Variants in IBA57 observed in about 807,000 individuals in gnomAD.
IBA57 encodes iron-sulfur cluster assembly factor IBA57, mitochondrial.
IBA57 carries 20 observed loss-of-function variants against 20.4 expected under a neutral mutation model. The ratio of observed to expected loss-of-function variants is 0.98; its 90% CI spans 0.69 to 1.42. The LOEUF is 1.42. Among genes scored for constraint, IBA57 ranks in the 40% most tolerant of loss-of-function variants. The probability of loss-of-function intolerance (pLI) is 0.00; values close to 1 mark genes in which losing one functional copy is unlikely to be tolerated. For missense variants in IBA57, 608 were observed against 499.3 expected, an observed-to-expected ratio of 1.22 and a Z score of -2.07; for synonymous variants, 310 against 233.9, an observed-to-expected ratio of 1.33 and a Z score of -2.97.
Position 228,175,372 on chromosome 1 carries a change from C to G in IBA57, c.930C>G (p.Phe310Leu), listed in dbSNP as rs142734560. 225 of 1,612,940 alleles carry G rather than the reference C, an allele frequency of 1.4e-4. 1 individual carries two copies. In the East Asian group the frequency reaches 4.7e-3, roughly 34 times the overall value. The change falls in exon 3 of 3, where the codon TTC becomes TTG. Residue 310 changes from phenylalanine to leucine, a missense_variant. Phe to Leu is a conservative substitution (Grantham distance 22, BLOSUM62 0). Transcript: ENST00000366711. ...LTASGQTVGK[F>L]RAGQGNVGLA... Reference sequence around the variant, plus strand: ...CCTCAGGACAGACTGTGGGCAAGTTCAGGGCTGGCCAGGGCAACGTGGGGC... The same window carrying G: ...CCTCAGGACAGACTGTGGGCAAGTTGAGGGCTGGCCAGGGCAACGTGGGGC...
chr1:228,168,114 C>G (rs1486115966), intron 1 of IBA57, among the ~76,000 whole-genome samples: 2 of 152,178 alleles, frequency 1.3e-5, no homozygotes, highest in African/African-American at 4.8e-5. Flanking sequence ...CTCTGCCACC[C>G]TGAGACGGCA....
intron 1 of IBA57, among the ~76,000 whole-genome samples, chr1:228,174,208 G>A (rs1266792934): frequency 2.3e-3 from 34 of 14,848 alleles, no homozygotes; most frequent in East Asian, 0.012. Flanking sequence ...GGCGTGGCTC[G>A]CTGTGGGCGT....
rs367545710 is a variant in IBA57, at chr1:228,175,421, A to T, written c.979A>T (p.Ile327Phe). ...GCTGGCCCTGCTGTGGTCAGAGAAG[A>T]TCAAGGGTCCTCTGCACATCAGAGC... is the stretch of plus-strand genomic sequence containing the variant. ...VGLALLWSEK[I>F]KGPLHIRASE... The change falls in exon 3 of 3, where the codon ATC becomes TTC. Residue 327 changes from isoleucine (I) to phenylalanine (F), a missense_variant. Coordinates refer to ENST00000366711, the MANE Select transcript of IBA57 (RefSeq NM_001010867.4). 85 of 1,612,726 alleles carry T rather than the reference A, an allele frequency of 5.3e-5. No homozygotes were observed. The African/African-American group carries it at 1.0e-3, about 20-fold the overall frequency.
At chr1:228,169,393 A>G (rs2124973590) in intron 1 of IBA57, among the ~76,000 whole-genome samples, 1 of 152,190 alleles carries the variant, frequency 6.6e-6, no homozygotes, top group Non-Finnish European at 1.5e-5. Flanking sequence ...AACTATAGTT[A>G]TTTGGTTGTT....
rs918224680 is a variant in IBA57 at position 228,175,594 on chromosome 1, A to G, written c.*81A>G. 2.7e-6 allele frequency: 4 copies of G among 1,469,556 alleles called. No individual in the cohort carries two copies. Among genetic ancestry groups the G allele is most frequent in the Non-Finnish European group, 2.7e-6 (3 of 1,106,394 alleles). The allele number at this position is 1,469,556 out of a possible 1,614,324, so 91.0% of individuals were successfully genotyped here. A position where few individuals can be genotyped will look rare whatever the true frequency, so the allele number is the denominator to read the frequency against. On this transcript the variant is annotated 3_prime_UTR_variant, in exon 3 of 3. Coordinates refer to ENST00000366711, the MANE Select transcript of IBA57 (RefSeq NM_001010867.4). The stretch of plus-strand genomic sequence containing the variant: ...CCTCTGTCCAGGGTCTTCCCGTCCC[A>G]TCTGTCTGCTGCGCCTACTGGGTGG...
chr1:228,170,025 C>T lies in IBA57; in HGVS notation c.341+3868C>T, dbSNP rs1213362296. ...GGGATTACAGGCATGCACCACCACG[C>T]CCAGCTAATTTTTGTATCTTTTTTT... On this transcript the variant is annotated intron_variant, in intron 1 of 2. Coordinates refer to ENST00000366711, the MANE Select transcript of IBA57 (RefSeq NM_001010867.4). The surrounding 1 kb of genome is among the most constrained non-coding windows in gnomAD (Gnocchi z 4.8). 6.6e-6 allele frequency among the ~76,000 whole-genome samples: 1 copy of T among 152,132 alleles called. No individual in the cohort carries two copies. Among genetic ancestry groups the T allele is most frequent in the Non-Finnish European group, 1.5e-5 (1 of 68,032 alleles).
Position 228,166,143 on chromosome 1 carries a change from C to T in IBA57, c.327C>T (p.Asp109=). The T allele has an allele frequency of 1.3e-6, 2 of 1,518,914 alleles. No individual in the cohort carries two copies. Among genetic ancestry groups the T allele is most frequent in the Middle Eastern group, 1.7e-4 (1 of 5,846 alleles). The allele number at this position is 1,518,914 out of a possible 1,614,324, so 94.1% of individuals were successfully genotyped here. ...FLNVQGRTLY[D]VILYGLQEHS... The stretch of plus-strand genomic sequence containing the variant: ...ACGTGCAGGGCCGGACGCTCTATGA[C>T]GTCATCTTGTACGGGTGAGCGCGTG... Residue 109 remains aspartate (D), a synonymous_variant, in exon 1 of 3, where the codon GAC becomes GAT. Transcript: ENST00000366711.
At chr1:228,174,641 T>G in intron 1 of IBA57, 51 bp from the exon 2 acceptor site, 1 of 1,454,310 alleles carries the variant, frequency 6.9e-7, no homozygotes, top group Middle Eastern at 1.8e-4. Flanking sequence ...CAGCCCTTTC[T>G]GGCCCACTCA....
At position 228,165,961 on chromosome 1, in the gene IBA57, G is replaced by A. The variant is rs759608255; in HGVS notation, c.145G>A (p.Ala49Thr). 4.0e-6 allele frequency: 6 copies of A among 1,514,458 alleles called. No individual in the cohort carries two copies. Among genetic ancestry groups the A allele is most frequent in the Admixed American group, 4.1e-5 (2 of 49,172 alleles). The allele number at this position is 1,514,458 out of a possible 1,614,324, so 93.8% of individuals were successfully genotyped here. A position where few individuals can be genotyped will look rare whatever the true frequency, so the allele number is the denominator to read the frequency against. ...GGDPTAGAAW[A>T]CFRLDGRTLL... ...CGACCCAACGGCCGGAGCGGCCTGG[G>A]CCTGCTTCCGGCTGGACGGGCGCAC... The change falls in exon 1 of 3, where the codon GCC becomes ACC. Residue 49 changes from alanine (A) to threonine (T), a missense_variant. Ala to Thr is a moderately conservative substitution (Grantham distance 58). Transcript: ENST00000366711.
At position 228,165,906 on chromosome 1, in the gene IBA57, C is replaced by T. The variant is rs1468191096; in HGVS notation, c.90C>T (p.Arg30=). 2.8e-6 allele frequency: 4 copies of T among 1,444,502 alleles called. No homozygotes were observed. The highest frequency in any genetic ancestry group is 3.6e-6 in the Non-Finnish European group (4 of 1,102,024). 89.5% of individuals were successfully genotyped at this position (1,444,502 alleles called of 1,614,324 possible). A position where few individuals can be genotyped will look rare whatever the true frequency, so the allele number is the denominator to read the frequency against. The stretch of plus-strand genomic sequence containing the variant: ...GGCTGCGCGCGGCCCCAAGGTGCCG[C>T]CTGGCCCACAGCTCCTGCAGTCCTG... ...RWRLRAAPRC[R]LAHSSCSPGG... The change falls in exon 1 of 3, where the codon CGC becomes CGT. Residue 30 remains arginine (R), a synonymous_variant. Transcript: ENST00000366711.
chr1:228,166,916 GGGGAT>G lies in IBA57; in HGVS notation c.341+762_341+766del, dbSNP rs1413833329. Among the ~76,000 whole-genome samples the G allele has an allele frequency of 2.0e-5, 3 of 152,258 alleles. No individual in the cohort carries two copies. In the East Asian group the frequency reaches 5.8e-4, roughly 29 times the overall value. On this transcript the variant is annotated intron_variant, in intron 1 of 2. Coordinates refer to ENST00000366711, the MANE Select transcript of IBA57 (RefSeq NM_001010867.4). The stretch of plus-strand genomic sequence containing the variant: ...AGCTTACTCCTGTGTTTTGGTTTCA[GGGGAT>G]GGACACCTTTTTAATGACTTCCTGA...
At position 228,181,295 on chromosome 1, in the gene IBA57, C is replaced by T. The variant is rs1262780249; in HGVS notation, c.*5782C>T. 1.3e-5 allele frequency: 2 copies of T among 152,234 alleles called. No individual in the cohort carries two copies. Among genetic ancestry groups the T allele is most frequent in the African/African-American group, 4.8e-5 (2 of 41,450 alleles). 9.4% of individuals were successfully genotyped at this position (152,234 alleles called of 1,614,324 possible). Reference sequence around the variant, plus strand: ...AAACCTCTGTTCCTTGTAAATGAGTCAGCCTCAGGTATTCTCTTGTAGCAG... The same window carrying T: ...AAACCTCTGTTCCTTGTAAATGAGTTAGCCTCAGGTATTCTCTTGTAGCAG... On this transcript the variant is annotated 3_prime_UTR_variant, in exon 3 of 3. Coordinates refer to ENST00000366711, the MANE Select transcript of IBA57 (RefSeq NM_001010867.4).
intron 1 of IBA57, chr1:228,171,662 GC>G: frequency 6.5e-6 from 1 of 154,894 alleles, no homozygotes. Context: ...GGGCACCCTG[GC>G]CCCACCCTGC....
At chr1:228,166,387 C>T (rs958090174) in intron 1 of IBA57, among the ~76,000 whole-genome samples, 2 of 151,820 alleles carry the variant, frequency 1.3e-5, no homozygotes, top group Admixed American at 6.5e-5. Context: ...GAAGCTCACC[C>T]AGGGCCCAGC....
Position 228,170,962 on chromosome 1 carries a change from C to T in IBA57, c.342-3730C>T, listed in dbSNP as rs547262541. On this transcript the variant is annotated intron_variant, in intron 1 of 2. Coordinates refer to ENST00000366711, the MANE Select transcript of IBA57 (RefSeq NM_001010867.4). This position sits in a 1 kb window ranked among gnomAD's most constrained non-coding sequence, Gnocchi z 4.8. The stretch of plus-strand genomic sequence containing the variant: ...TCAGTTGGCTGGGCCAGAGCCACCC[C>T]TGACCTCCCTCCTCTTCCTGCACCC... 8.5e-4 allele frequency among the ~76,000 whole-genome samples: 130 copies of T among 152,284 alleles called. No homozygotes were observed. Among genetic ancestry groups the T allele is most frequent in the African/African-American group, 3.0e-3 (125 of 41,568 alleles).
rs887488383 is a variant in IBA57, at chr1:228,174,636, C to G, written c.342-56C>G. 5 of 1,445,166 alleles carry G rather than the reference C, an allele frequency of 3.5e-6. No homozygotes were observed. The East Asian group carries it at 1.2e-4, about 36-fold the overall frequency. 89.5% of individuals were successfully genotyped at this position (1,445,166 alleles called of 1,614,324 possible). On this transcript the variant is annotated intron_variant, in intron 1 of 2. Coordinates refer to ENST00000366711, the MANE Select transcript of IBA57 (RefSeq NM_001010867.4). ...GTAAGGCGCGCTCCCTCATGCAGCC[C>G]TTTCTGGCCCACTCAGTTGGTGAGC...
At position 228,174,607 on chromosome 1, in the gene IBA57, C is replaced by T. The variant is rs538179679; in HGVS notation, c.342-85C>T. 2.3e-6 allele frequency: 3 copies of T among 1,296,564 alleles called. No homozygotes were observed. In the African/African-American group the frequency reaches 4.5e-5, roughly 19 times the overall value. The allele number at this position is 1,296,564 out of a possible 1,614,324, so 80.3% of individuals were successfully genotyped here. A position where few individuals can be genotyped will look rare whatever the true frequency, so the allele number is the denominator to read the frequency against. ...GTTGGTCCACGGTGTGCTCCTCTGC[C>T]CGGGTAAGGCGCGCTCCCTCATGCA... On this transcript the variant is annotated intron_variant, in intron 1 of 2. Transcript: ENST00000366711.
In IBA57 at chr1:228,174,535, T is replaced by C. The variant is rs780486400; in HGVS notation, c.342-157T>C. The C allele has an allele frequency of 2.5e-5, 16 of 637,446 alleles. 1 individual carries two copies. The highest frequency in any genetic ancestry group is 4.0e-4 in the Middle Eastern group (1 of 2,490). 39.5% of individuals were successfully genotyped at this position (637,446 alleles called of 1,614,324 possible). A position where few individuals can be genotyped will look rare whatever the true frequency, so the allele number is the denominator to read the frequency against. The stretch of plus-strand genomic sequence containing the variant: ...TCCCTGCGTGTGGTGACCTGGGCGC[T>C]TGCCTTAAAGGCGCAGCCCCTTGTG... On this transcript the variant is annotated intron_variant, in intron 1 of 2. Coordinates refer to ENST00000366711, the MANE Select transcript of IBA57 (RefSeq NM_001010867.4).
rs2035076548 is a variant in IBA57, at chr1:228,179,567, T to C, written c.*4054T>C. 1.3e-5 allele frequency: 2 copies of C among 152,086 alleles called. No individual in the cohort carries two copies. The highest frequency in any genetic ancestry group is 1.3e-4 in the Admixed American group (2 of 15,248). The allele number at this position is 152,086 out of a possible 1,614,324, so 9.4% of individuals were successfully genotyped here. On this transcript the variant is annotated 3_prime_UTR_variant, in exon 3 of 3. Coordinates refer to ENST00000366711, the MANE Select transcript of IBA57 (RefSeq NM_001010867.4). ...GGGTGGAGGCAAGTATTCAGAGAAATACGGCTGAGAACTTTCCCAAACCAA... is the reference window on the plus strand; with the variant it reads ...GGGTGGAGGCAAGTATTCAGAGAAACACGGCTGAGAACTTTCCCAAACCAA...
Sources: gnomAD v4.1 joint callset for allele counts (sites outside exome capture counted in the v4.1 genomes callset) on GRCh38, gnomAD v4.1.1 for gene constraint, Gnocchi (gnomAD v3.1) non-coding constraint, MANE v1.5 for transcripts, NCBI Gene and HGNC (gene_info 2026-07-23, HGNC 2026-07-21) for gene names.